SLC1A4: variants seen among roughly 807,000 people sequenced by gnomAD.
SLC1A4 encodes the protein solute carrier family 1 member 4.
In SLC1A4, 19 loss-of-function variants were observed where a neutral mutation model predicts 37.7. The observed-to-expected ratio is 0.50, with a 90% CI of 0.35 to 0.74. The LOEUF (loss-of-function observed/expected upper bound fraction) is 0.74. Among genes scored for constraint, SLC1A4 ranks in the 30% least tolerant of loss-of-function variants. The pLI is 0.01. For synonymous variants in SLC1A4, 299 were observed against 309.8 expected (o/e 0.97, Z 0.37); for missense variants, 570 against 712.9 (o/e 0.80, Z 2.28).
Position 64,989,811 on chromosome 2 carries a change from G to T in SLC1A4, c.168G>T (p.Ala56=), listed in dbSNP as rs1252690288. ...CCGTGTCCGGGGTGCTGGCGGGCGC[G>T]GGCCTGGGCGCGGCGTTGCGCGGGC... The part of the protein sequence containing the change: ...LLTVSGVLAG[A]GLGAALRGLS... The change falls in exon 1 of 8, where the codon GCG becomes GCT. Residue 56 remains alanine (A), a synonymous_variant. Transcript: ENST00000234256. The T allele has an allele frequency of 6.6e-7, 1 of 1,526,276 alleles. No individual in the cohort carries two copies. The highest frequency in any genetic ancestry group is 2.5e-5 in the East Asian group (1 of 39,884). 94.5% of individuals were successfully genotyped at this position (1,526,276 alleles called of 1,614,324 possible). A position where few individuals can be genotyped will look rare whatever the true frequency, so the allele number is the denominator to read the frequency against.
At chr2:65,004,933 C>A (rs755293039) in intron 3 of SLC1A4, among the ~76,000 whole-genome samples, 3 of 152,182 alleles carry the variant, frequency 2.0e-5, no homozygotes. Flanking sequence ...TTACCCCAAA[C>A]GCAACAGCTA....
chr2:64,998,919 G>A (rs540410661), intron 1 of SLC1A4, among the ~76,000 whole-genome samples: 3 of 152,226 alleles, frequency 2.0e-5, no homozygotes, highest in East Asian at 1.9e-4. Flanking sequence ...TGAACTTCCC[G>A]GTCCTCATGG....
chr2:65,011,336 G>A (rs1421270869), intron 4 of SLC1A4: 2 of 152,036 alleles, frequency 1.3e-5, no homozygotes, highest in South Asian at 2.1e-4. Flanking sequence ...GCGCGATCTC[G>A]GCTCCCTGCA....
At position 65,018,275 on chromosome 2, in the gene SLC1A4, T is replaced by C; in HGVS notation, c.1229+10T>C. 1 of 1,608,082 alleles carries C rather than the reference T, an allele frequency of 6.2e-7. No individual in the cohort carries two copies. On this transcript the variant is annotated intron_variant, in intron 6 of 7. Coordinates refer to ENST00000234256, the MANE Select transcript of SLC1A4 (RefSeq NM_003038.5). The surrounding 1 kb of genome is among the most constrained non-coding windows in gnomAD (Gnocchi z 4.3). ...AGATTTTCACCATTCTGTAAGTTCC[T>C]CATTCTTTCCCTGGCTCAAAACTGA...
At chr2:64,995,290 C>T (rs1673209685) in intron 1 of SLC1A4, among the ~76,000 whole-genome samples, 1 of 152,090 alleles carries the variant, frequency 6.6e-6, no homozygotes, top group Non-Finnish European at 1.5e-5. Flanking sequence ...CCTGAGTGTC[C>T]TTATCTGTAA....
rs1572962222 is a variant in SLC1A4, at chr2:65,010,717, A to C, written c.754A>C (p.Asn252His). ...AGGAGAAGACCTCATCCGTTTCTTCAATTCCCTCAACGAGGCGACGATGGT... is the reference window on the plus strand; with the variant it reads ...AGGAGAAGACCTCATCCGTTTCTTCCATTCCCTCAACGAGGCGACGATGGT... ...SEGEDLIRFF[N>H]SLNEATMVLV... is the part of the protein sequence containing the mutation. Residue 252 changes from asparagine (N) to histidine (H), a missense_variant, in exon 4 of 8, where the codon AAT becomes CAT. Transcript: ENST00000234256. 6.2e-7 allele frequency: 1 copy of C among 1,614,136 alleles called. No homozygotes were observed. The highest frequency in any genetic ancestry group is 8.5e-7 in the Non-Finnish European group (1 of 1,180,008).
chr2:65,005,986 G>C (rs984876506), intron 3 of SLC1A4, among the ~76,000 whole-genome samples: 9 of 152,148 alleles, frequency 5.9e-5, no homozygotes, highest in Admixed American at 6.5e-5. Flanking sequence ...CTGGGCAACA[G>C]AGCAAAATTA....
intron 4 of SLC1A4, 129 bp downstream of exon 4, chr2:65,010,892 T>C (rs1007120422): frequency 1.1e-6 from 1 of 902,644 alleles, no homozygotes; most frequent in Non-Finnish European, 1.7e-6. Context: ...TGATGCACCA[T>C]GAGCCAGGCT....
intron 4 of SLC1A4, chr2:65,011,440 T>C (rs555502222): frequency 1.5e-4 from 23 of 151,514 alleles, no homozygotes; most frequent in African/African-American, 5.6e-4. Flanking sequence ...CTAATTTTTT[T>C]TTTTTTTAGT....
In SLC1A4 at chr2:65,010,606, G is replaced by A. The variant is rs1313462057; in HGVS notation, c.643G>A (p.Gly215Ser). ...CTCTCTGATCCTGCAGATCCCCATA[G>A]GCACTGAGATAGAAGGGATGAACAT... ...GNVTHEKIPI[G>S]TEIEGMNILG... Residue 215 changes from glycine to serine, a missense_variant, in exon 4 of 8, where the codon GGC (glycine) becomes AGC (serine). Transcript: ENST00000234256. The A allele has an allele frequency of 1.2e-6, 2 of 1,608,768 alleles. No individual in the cohort carries two copies. Among genetic ancestry groups the A allele is most frequent in the Admixed American group, 1.7e-5 (1 of 58,810 alleles).
chr2:65,017,549 G>A (rs1297934964), intron 5 of SLC1A4, among the ~76,000 whole-genome samples: 2 of 151,808 alleles, frequency 1.3e-5, no homozygotes, highest in Non-Finnish European at 2.9e-5. Flanking sequence ...ACAAAAACCT[G>A]TTTCTCAGCT....
At position 65,023,338 on chromosome 2, in the gene SLC1A4, A is replaced by ATG. The variant is rs201614941; in HGVS notation, c.*2203_*2204dup. ...ACACACATGTGTGTTGTGTATATGC[A>ATG]TGTGTGTGTGTGCGTGTGTGTATAG... On this transcript the variant is annotated 3_prime_UTR_variant, in exon 8 of 8. Transcript: ENST00000234256. 5,918 of 130,330 alleles carry ATG rather than the reference A, an allele frequency of 0.045. 130 individuals are homozygous for ATG. The highest frequency in any genetic ancestry group is 0.15 in the Middle Eastern group (37 of 248). The allele number at this position is 130,330 out of a possible 1,614,324, so 8.1% of individuals were successfully genotyped here.
intron 3 of SLC1A4, among the ~76,000 whole-genome samples, chr2:65,004,885 T>C (rs1219535381): frequency 6.6e-6 from 1 of 152,174 alleles, no homozygotes; most frequent in Admixed American, 6.5e-5. Flanking sequence ...CATTTTGAAA[T>C]ACATGCTAAA....
At chr2:65,002,567 A>ATTATTTTTTTTTTTTTTTT (rs1324825931) in intron 2 of SLC1A4, among the ~76,000 whole-genome samples, 1 of 115,528 alleles carries the variant, frequency 8.7e-6, no homozygotes, top group Non-Finnish European at 1.7e-5. Flanking sequence ...TCCTGTGACC[A>ATTATTTTTTTTTTTTTTTT]TTCTTTTTTT....
At position 64,991,332 on chromosome 2, in the gene SLC1A4, C is replaced by CA. The variant is rs540933887; in HGVS notation, c.527+1171dup. On this transcript the variant is annotated intron_variant, in intron 1 of 7. Transcript: ENST00000234256. ...GTATTTAAAAACAAACAAACAACAACAAAAAAAAACCACTCATGAGGGAGA... is the reference window on the plus strand; with the variant it reads ...GTATTTAAAAACAAACAAACAACAACAAAAAAAAAACCACTCATGAGGGAGA... Among the ~76,000 whole-genome samples the CA allele has an allele frequency of 2.7e-3, 367 of 136,582 alleles. 2 individuals are homozygous for CA. Among genetic ancestry groups the CA allele is most frequent in the African/African-American group, 7.8e-3 (290 of 37,062 alleles). 89.6% of individuals were successfully genotyped at this position (136,582 alleles called of 152,430 possible).
chr2:65,017,287 A>G (rs927943709), intron 5 of SLC1A4, among the ~76,000 whole-genome samples: 2 of 151,960 alleles, frequency 1.3e-5, no homozygotes, highest in East Asian at 1.9e-4. Context: ...GGAGTCCACA[A>G]TAGTGTGGGA....
intron 1 of SLC1A4, among the ~76,000 whole-genome samples, chr2:64,992,373 G>A (rs1673090793): frequency 6.6e-6 from 1 of 152,192 alleles, no homozygotes; most frequent in Non-Finnish European, 1.5e-5. Context: ...TGACATGGAT[G>A]GTGACCCAGC....
Position 65,021,301 on chromosome 2 carries a change from G to A in SLC1A4, c.*155G>A. The stretch of plus-strand genomic sequence containing the variant: ...GGCCTGAGGCTTACCTCTCGGCACT[G>A]GCATTGGGCTCCCCAGCCGGAACTG... On this transcript the variant is annotated 3_prime_UTR_variant, in exon 8 of 8. Transcript: ENST00000234256. 1.6e-6 allele frequency: 1 copy of A among 625,464 alleles called. No individual in the cohort carries two copies. The allele number at this position is 625,464 out of a possible 1,614,324, so 38.7% of individuals were successfully genotyped here. A position where few individuals can be genotyped will look rare whatever the true frequency, so the allele number is the denominator to read the frequency against.
At chr2:65,020,493 CT>C in intron 7 of SLC1A4, among the ~76,000 whole-genome samples, 1 of 152,178 alleles carries the variant, frequency 6.6e-6, no homozygotes. Context: ...TCTCAAACTC[CT>C]GGCCTTAAAC....
Sources: gnomAD v4.1 joint callset for allele counts (sites outside exome capture counted in the v4.1 genomes callset) on GRCh38, gnomAD v4.1.1 for gene constraint, Gnocchi (gnomAD v3.1) non-coding constraint, MANE v1.5 for transcripts, NCBI Gene and HGNC (gene_info 2026-07-23, HGNC 2026-07-21) for gene names.